EXOC3L2: variants seen among roughly 807,000 people sequenced by gnomAD.
The protein encoded by EXOC3L2 is exocyst complex component 3-like protein 2.
In EXOC3L2, 17 loss-of-function variants were observed where a neutral mutation model predicts 44.4. That is an observed-to-expected ratio of 0.38 (90% confidence interval 0.26 to 0.57). The LOEUF (loss-of-function observed/expected upper bound fraction) is 0.57. Among genes scored for constraint, EXOC3L2 ranks in the 20% least tolerant of loss-of-function variants. The pLI, the probability that EXOC3L2 is intolerant of heterozygous loss-of-function variation, is 0.65. For missense variants in EXOC3L2, 541 were observed against 588.4 expected, an observed-to-expected ratio of 0.92 and a Z score of 0.83; for synonymous variants, 256 against 253.7, an observed-to-expected ratio of 1.01 and a Z score of -0.09.
At chr19:45,227,066 C>T (rs1296570673) in intron 7 of EXOC3L2, among the ~76,000 whole-genome samples, 1 of 124,020 alleles carries the variant, frequency 8.1e-6, no homozygotes, top group African/African-American at 3.5e-5. Context: ...ATCTCTCTCT[C>T]TTTTTTTTTA....
At chr19:45,222,842 A>G (rs918226693) in intron 8 of EXOC3L2, among the ~76,000 whole-genome samples, 2 of 152,218 alleles carry the variant, frequency 1.3e-5, no homozygotes, top group Admixed American at 1.3e-4. Flanking sequence ...TCACCTGTAA[A>G]ATGAATCTAC....
intron 1 of EXOC3L2, among the ~76,000 whole-genome samples, chr19:45,241,068 C>T (rs1440118743): frequency 6.6e-6 from 1 of 152,114 alleles, no homozygotes; most frequent in East Asian, 1.9e-4. Context: ...GTCTGCGCTC[C>T]CTCCTTTCAC....
chr19:45,231,628 G>C, intron 4 of EXOC3L2, 135 bp downstream of exon 4: 2 of 704,924 alleles, frequency 2.8e-6, no homozygotes, highest in Admixed American at 2.8e-5. Flanking sequence ...ATGGCACATG[G>C]ATAGAACTCA....
chr19:45,241,364 G>C (rs891481782), intron 1 of EXOC3L2, among the ~76,000 whole-genome samples: 1 of 151,818 alleles, frequency 6.6e-6, no homozygotes, highest in Non-Finnish European at 1.5e-5. Context: ...TGTAGCCCCA[G>C]CTACTCGGGA....
intron 11 of EXOC3L2, 133 bp downstream of exon 11, chr19:45,215,940 C>T: frequency 7.7e-7 from 1 of 1,298,676 alleles, no homozygotes; most frequent in Non-Finnish European, 1.0e-6. Flanking sequence ...GCCCTGGTTC[C>T]AGCAGGAAAC....
At chr19:45,218,347 C>T (rs1428587733) in intron 8 of EXOC3L2, 28 bp from the exon 9 acceptor site, 2 of 1,560,424 alleles carry the variant, frequency 1.3e-6, no homozygotes, top group African/African-American at 1.3e-5. Flanking sequence ...GGGGGTCACG[C>T]TCTCCTCCCT....
intron 4 of EXOC3L2, 58 bp downstream of exon 4, chr19:45,231,705 A>G: frequency 6.8e-7 from 1 of 1,474,188 alleles, no homozygotes; most frequent in Non-Finnish European, 9.4e-7. Flanking sequence ...TCCCAAGCCC[A>G]CTGTGACCCC....
intron 2 of EXOC3L2, among the ~76,000 whole-genome samples, chr19:45,236,111 T>G: frequency 7.3e-6 from 1 of 136,412 alleles, no homozygotes; most frequent in African/African-American, 2.8e-5. Context: ...GGGGTCTGGG[T>G]AGGGATGAGG....
chr19:45,213,400 C>G (rs754644497), intron 11 of EXOC3L2, 43 bp from the exon 12 acceptor site: 55 of 1,603,808 alleles, frequency 3.4e-5, no homozygotes, highest in Non-Finnish European at 8.5e-7. Flanking sequence ...ATCCCCAGCT[C>G]TAGACACACA....
chr19:45,235,015 G>C (rs1342810648), intron 2 of EXOC3L2, among the ~76,000 whole-genome samples, 189 bp from the exon 3 acceptor site: 4 of 152,098 alleles, frequency 2.6e-5, no homozygotes, highest in African/African-American at 9.7e-5. Context: ...GGATGTAGGG[G>C]AGGGGTCAGG....
At position 45,215,846 on chromosome 19, in the gene EXOC3L2, C is replaced by T. The variant is rs147905071; in HGVS notation, c.2120+227G>A. ...CCCCCTGCCCTGGGCTTCCTGTGAC[C>T]GCCTGTTTGTTTGTGAGCCCTGGTG... On this transcript the variant is annotated intron_variant, in intron 11 of 11. Coordinates refer to ENST00000413988, the MANE Select transcript of EXOC3L2 (RefSeq NM_001382422.1). 7.2e-5 allele frequency among the ~76,000 whole-genome samples: 11 copies of T among 152,292 alleles called. 1 individual carries two copies. Among genetic ancestry groups the T allele is most frequent in the Admixed American group, 3.3e-4 (5 of 15,284 alleles).
intron 5 of EXOC3L2, 26 bp downstream of exon 5, chr19:45,228,139 T>C: frequency 6.2e-7 from 1 of 1,613,492 alleles, no homozygotes; most frequent in Non-Finnish European, 8.5e-7. Flanking sequence ...ATCCAGCCCA[T>C]CCCCCAGCCT....
chr19:45,218,576 G>C (rs1380150449), intron 8 of EXOC3L2, among the ~76,000 whole-genome samples: 1 of 152,132 alleles, frequency 6.6e-6, no homozygotes, highest in Non-Finnish European at 1.5e-5. Flanking sequence ...AAGCCCAGAG[G>C]GGATGCCTGA....
At chr19:45,244,895 C>T (rs1970157488) in intron 1 of EXOC3L2, among the ~76,000 whole-genome samples, 1 of 151,942 alleles carries the variant, frequency 6.6e-6, no homozygotes, top group Non-Finnish European at 1.5e-5. Context: ...CCAATCCCAA[C>T]CTGATCTCGG....
intron 4 of EXOC3L2, among the ~76,000 whole-genome samples, chr19:45,229,118 G>T (rs1969999553): frequency 6.6e-6 from 1 of 150,606 alleles, no homozygotes; most frequent in African/African-American, 2.4e-5. Flanking sequence ...AATAAAATTA[G>T]TCCATGGTTT....
At chr19:45,226,914 G>A (rs1388927829) in intron 7 of EXOC3L2, among the ~76,000 whole-genome samples, 2 of 149,470 alleles carry the variant, frequency 1.3e-5, no homozygotes, top group Non-Finnish European at 3.0e-5. Context: ...CACCAAGCCC[G>A]GCTAATTTTT....
chr19:45,223,858 G>C (rs2122967177), intron 8 of EXOC3L2, among the ~76,000 whole-genome samples: 1 of 152,080 alleles, frequency 6.6e-6, no homozygotes, highest in Admixed American at 6.5e-5. Context: ...GCTGGGCGTG[G>C]TGGTGCATGC....
intron 2 of EXOC3L2, among the ~76,000 whole-genome samples, chr19:45,237,620 G>T (rs1370306524): frequency 1.3e-5 from 2 of 152,088 alleles, no homozygotes; most frequent in African/African-American, 4.8e-5. Context: ...GAACAGAAAA[G>T]GCACTGAGGA....
At chr19:45,243,325 G>C (rs903938461) in intron 1 of EXOC3L2, among the ~76,000 whole-genome samples, 1 of 152,148 alleles carries the variant, frequency 6.6e-6, no homozygotes, top group Non-Finnish European at 1.5e-5. Context: ...GCAGACGTGC[G>C]GGGGTGGACA....
Sources: allele counts gnomAD v4.1 joint callset (sites outside exome capture counted in the v4.1 genomes callset), GRCh38; gene constraint gnomAD v4.1.1; transcripts MANE v1.5; gene names NCBI Gene and HGNC (gene_info 2026-07-23, HGNC 2026-07-21).